The following HIVEP3 variants were observed in gnomAD, a reference collection of about 807,000 sequenced individuals.
HIVEP3 encodes the protein transcription factor HIVEP3.
In HIVEP3, 49 loss-of-function variants were observed where a neutral mutation model predicts 152.8. That is an observed-to-expected ratio of 0.32 (90% CI 0.26 to 0.41). HIVEP3 has a LOEUF of 0.41. Among genes scored for constraint, HIVEP3 ranks in the 10% least tolerant of loss-of-function variants. The pLI is 1.00. For missense variants in HIVEP3, 2,790 were observed against 3,103.3 expected (o/e 0.90, Z 2.40); for synonymous variants, 1,269 against 1,289.0 (o/e 0.98, Z 0.33).
intron 2 of HIVEP3, among the ~76,000 whole-genome samples, chr1:41,650,032 G>A (rs887736688): frequency 6.6e-6 from 1 of 151,952 alleles, no homozygotes; most frequent in Non-Finnish European, 1.5e-5. Context: ...GAAACAAACC[G>A]GCAAGCAGAA....
intron 1 of HIVEP3, among the ~76,000 whole-genome samples, chr1:41,998,701 A>T (rs1645409007): frequency 6.6e-6 from 1 of 152,118 alleles, no homozygotes; most frequent in Admixed American, 6.6e-5. Flanking sequence ...TTAACAACTG[A>T]CCATTTGAAA....
chr1:41,548,993 GTAATGCTATCCC>G (rs1553225677), intron 5 of HIVEP3, among the ~76,000 whole-genome samples: 2 of 152,102 alleles, frequency 1.3e-5, no homozygotes, highest in East Asian at 1.9e-4. Flanking sequence ...TTTACATAAG[GTAATGCTATCCC>G]TAATGCTATC....
intron 1 of HIVEP3, among the ~76,000 whole-genome samples, chr1:41,928,638 C>A (rs1442655650): frequency 6.6e-6 from 1 of 152,202 alleles, no homozygotes; most frequent in Non-Finnish European, 1.5e-5. Flanking sequence ...TTGGTCTCCT[C>A]TGTTCTGTGA....
At position 41,954,964 on chromosome 1, in the gene HIVEP3, G is replaced by GTTT. The variant is rs5773755; in HGVS notation, n.120-36443_120-36441dup. Reference sequence around the variant, plus strand: ...TAGGAACCATTTTCTCAGCTTCCAGGTTTTTTTTTTTTTTCTCTAGTGTTT... The same window carrying GTTT: ...TAGGAACCATTTTCTCAGCTTCCAGGTTTTTTTTTTTTTTTTTCTCTAGTGTTT... On this transcript the variant is annotated intron_variant and non_coding_transcript_variant, in intron 1 of 3. Transcript: ENST00000489103. Among the ~76,000 whole-genome samples the GTTT allele has an allele frequency of 1.5e-4, 21 of 144,722 alleles. No individual in the cohort carries two copies. The East Asian group carries it at 2.0e-3, about 14-fold the overall frequency. The allele number at this position is 144,722 out of a possible 152,430, so 94.9% of individuals were successfully genotyped here. A position where few individuals can be genotyped will look rare whatever the true frequency, so the allele number is the denominator to read the frequency against.
intron 1 of HIVEP3, among the ~76,000 whole-genome samples, chr1:41,759,907 G>A (rs1647556272): frequency 6.6e-6 from 1 of 152,220 alleles, no homozygotes; most frequent in African/African-American, 2.4e-5. Flanking sequence ...AACGAGAGGT[G>A]CCATATTAGA....
At chr1:41,573,901 C>T (rs1644288401) in intron 5 of HIVEP3, among the ~76,000 whole-genome samples, 1 of 152,064 alleles carries the variant, frequency 6.6e-6, no homozygotes, top group Admixed American at 6.5e-5. Context: ...GGACCCATAC[C>T]AGCTGGAGGA....
At chr1:42,006,504 T>C (rs1469682129) in intron 1 of HIVEP3, among the ~76,000 whole-genome samples, 3 of 148,248 alleles carry the variant, frequency 2.0e-5, no homozygotes, top group Middle Eastern at 3.5e-3. Context: ...TCATTGTCAA[T>C]AACCTCATTA....
chr1:41,892,746 A>C (rs1159654521), intron 1 of HIVEP3, among the ~76,000 whole-genome samples: 1 of 152,128 alleles, frequency 6.6e-6, no homozygotes, highest in Admixed American at 6.5e-5. Flanking sequence ...CTGCAGAGAG[A>C]AACTCAAACC....
chr1:42,002,131 C>G (rs1645431710), intron 1 of HIVEP3, among the ~76,000 whole-genome samples: 1 of 152,128 alleles, frequency 6.6e-6, no homozygotes, highest in Non-Finnish European at 1.5e-5. Context: ...AAAGGAGAAT[C>G]ATCAGACACA....
chr1:41,827,757 T>C (rs1357521167), intron 1 of HIVEP3, among the ~76,000 whole-genome samples: 1 of 152,180 alleles, frequency 6.6e-6, no homozygotes, highest in Non-Finnish European at 1.5e-5. Flanking sequence ...AGAAGATTTT[T>C]TTTCAAGGCT....
At chr1:41,592,205 G>C (rs2149116515) in intron 3 of HIVEP3, among the ~76,000 whole-genome samples, 1 of 152,298 alleles carries the variant, frequency 6.6e-6, no homozygotes, top group Non-Finnish European at 1.5e-5. Context: ...AGGAGGCCTG[G>C]AGTCACCTTG....
At chr1:41,527,240 A>AC (rs370242425) in intron 5 of HIVEP3, among the ~76,000 whole-genome samples, 1 of 28,874 alleles carries the variant, frequency 3.5e-5, no homozygotes, top group Non-Finnish European at 7.1e-5. Context: ...TCACACACTC[A>AC]CCTCACACAC....
intron 1 of HIVEP3, among the ~76,000 whole-genome samples, chr1:42,015,867 C>T (rs1645519280): frequency 6.6e-6 from 1 of 152,280 alleles, no homozygotes; most frequent in Non-Finnish European, 1.5e-5. Context: ...CTCCATCATC[C>T]TTCAGCTGCC....
intron 1 of HIVEP3, among the ~76,000 whole-genome samples, chr1:41,836,531 C>G (rs1296072524): frequency 6.6e-6 from 1 of 152,216 alleles, no homozygotes; most frequent in Non-Finnish European, 1.5e-5. Flanking sequence ...ATCCCATCAA[C>G]AAGACAATCT....
intron 5 of HIVEP3, among the ~76,000 whole-genome samples, chr1:41,547,391 T>C (rs1002171151): frequency 6.7e-6 from 1 of 150,246 alleles, no homozygotes; most frequent in Non-Finnish European, 1.5e-5. Flanking sequence ...AGTGGCAGGG[T>C]TGGGGAGGGC....
intron 1 of HIVEP3, among the ~76,000 whole-genome samples, chr1:42,006,586 CTG>C (rs1645460797): frequency 8.4e-6 from 1 of 119,406 alleles, no homozygotes; most frequent in Non-Finnish European, 1.8e-5. Context: ...AAAAAAAAAA[CTG>C]TGAAAAGAGT....
At chr1:41,943,023 C>T (rs2124486505) in intron 1 of HIVEP3, among the ~76,000 whole-genome samples, 1 of 152,272 alleles carries the variant, frequency 6.6e-6, no homozygotes, top group Admixed American at 6.5e-5. Context: ...CCTCAGCCTC[C>T]CAAGTAGCTG....
intron 1 of HIVEP3, among the ~76,000 whole-genome samples, chr1:41,721,911 C>T (rs1234845121): frequency 3.3e-5 from 5 of 152,274 alleles, no homozygotes; most frequent in African/African-American, 1.2e-4. Context: ...GGCTAGTGAG[C>T]GTGATCCACT....
At chr1:41,564,489 C>T (rs750843388) in intron 5 of HIVEP3, among the ~76,000 whole-genome samples, 46 of 152,124 alleles carry the variant, frequency 3.0e-4, no homozygotes, top group Non-Finnish European at 4.9e-4. Context: ...CACACCAAGA[C>T]CCATCACTGT....
Sources: allele counts gnomAD v4.1 joint callset (sites outside exome capture counted in the v4.1 genomes callset), GRCh38; gene constraint gnomAD v4.1.1; transcripts MANE v1.5; gene names NCBI Gene and HGNC (gene_info 2026-07-23, HGNC 2026-07-21).